The following DRC8 variants were observed in gnomAD, a reference collection of about 807,000 sequenced individuals.
The protein encoded by DRC8 is dynein regulatory complex subunit 8, also known as dynein regulatory complex protein 8.
the DRC8 span, among the ~76,000 whole-genome samples, chr1:245,085,902 G>T: frequency 6.6e-6 from 1 of 152,254 alleles, no homozygotes; most frequent in Non-Finnish European, 1.5e-5. Context: ...ATGAGTAACA[G>T]AGTGTAGGCG....
At chr1:245,116,041 A>T in the DRC8 span, among the ~76,000 whole-genome samples, 1 of 151,444 alleles carries the variant, frequency 6.6e-6, no homozygotes, top group East Asian at 2.0e-4. Context: ...TACCATCGCC[A>T]TGCCTGGCTA....
the DRC8 span, among the ~76,000 whole-genome samples, chr1:245,114,982 C>T: frequency 6.6e-6 from 1 of 152,174 alleles, no homozygotes; most frequent in African/African-American, 2.4e-5. Context: ...CCTCAGCCTC[C>T]CAAAGTGCTG....
chr1:245,029,677 C>G, the DRC8 span, among the ~76,000 whole-genome samples: 1 of 150,900 alleles, frequency 6.6e-6, no homozygotes, highest in Non-Finnish European at 1.5e-5. Flanking sequence ...CTCACTGCAA[C>G]CTTCATCTCC....
the DRC8 span, chr1:245,087,444 C>A: frequency 6.8e-7 from 1 of 1,472,328 alleles, no homozygotes; most frequent in Non-Finnish European, 8.9e-7. Flanking sequence ...CTTAGGATTC[C>A]TATATGTGAT....
chr1:244,972,899 G>C, the DRC8 span, among the ~76,000 whole-genome samples: 12 of 152,238 alleles, frequency 7.9e-5, no homozygotes, highest in African/African-American at 2.6e-4. Context: ...CAGTTTTATG[G>C]ATTAACTAAT....
chr1:245,081,549 A>G, the DRC8 span, among the ~76,000 whole-genome samples: 21 of 151,984 alleles, frequency 1.4e-4, no homozygotes, highest in Admixed American at 3.9e-4. Flanking sequence ...GCTCACTGCA[A>G]CCTCCATCTC....
chr1:245,061,406 A>G, the DRC8 span, among the ~76,000 whole-genome samples: 1 of 152,278 alleles, frequency 6.6e-6, no homozygotes, highest in South Asian at 2.1e-4. Flanking sequence ...TTTTTTAGGG[A>G]CATGACACAA....
the DRC8 span, among the ~76,000 whole-genome samples, chr1:244,974,768 C>G: frequency 2.6e-5 from 4 of 152,132 alleles, no homozygotes; most frequent in South Asian, 8.3e-4. Flanking sequence ...CATCACGGCT[C>G]ACTACAGCCT....
At chr1:244,970,555 A>G in the DRC8 span, 1 of 1,392,018 alleles carries the variant, frequency 7.2e-7, no homozygotes, top group African/African-American at 1.6e-5. Context: ...TCCCACCCGC[A>G]GGGAAAGGGC....
the DRC8 span, among the ~76,000 whole-genome samples, chr1:245,044,914 TTAAA>T: frequency 1.3e-5 from 2 of 151,928 alleles, no homozygotes; most frequent in Non-Finnish European, 2.9e-5. Flanking sequence ...TTTCAGTTTT[TTAAA>T]TAGTTTTTTG....
the DRC8 span, among the ~76,000 whole-genome samples, chr1:245,004,448 A>G: frequency 1.4e-5 from 2 of 146,286 alleles, no homozygotes; most frequent in African/African-American, 2.5e-5. Flanking sequence ...TAAAGGTGGT[A>G]TGTTACCCAG....
the DRC8 span, among the ~76,000 whole-genome samples, chr1:245,090,834 T>A: frequency 6.6e-6 from 1 of 152,042 alleles, no homozygotes; most frequent in Non-Finnish European, 1.5e-5. Flanking sequence ...TATTAATAGG[T>A]CTCCTTTGTA....
At chr1:245,010,009 C>T in the DRC8 span, among the ~76,000 whole-genome samples, 90,533 of 151,446 alleles carry the variant, frequency 0.6, 27,444 homozygotes, top group East Asian at 0.75. Context: ...TACAGGCGTG[C>T]GCCACCACGT....
the DRC8 span, chr1:245,087,529 T>A: frequency 9.7e-6 from 13 of 1,341,780 alleles, no homozygotes; most frequent in Non-Finnish European, 1.1e-5. Flanking sequence ...AAACCAAATT[T>A]AGTATGTCTA....
the DRC8 span, among the ~76,000 whole-genome samples, chr1:245,100,653 C>T: frequency 1.3e-5 from 2 of 150,918 alleles, no homozygotes; most frequent in African/African-American, 4.9e-5. Context: ...TGGTGGTGCA[C>T]GCCTGTAGTC....
chr1:245,102,553 A>T, the DRC8 span, among the ~76,000 whole-genome samples: 2 of 152,020 alleles, frequency 1.3e-5, no homozygotes, highest in Admixed American at 6.6e-5. Context: ...TTTCGCCATG[A>T]TGGCCAGGCT....
the DRC8 span, among the ~76,000 whole-genome samples, chr1:245,097,802 G>A: frequency 6.6e-6 from 1 of 152,120 alleles, no homozygotes; most frequent in Non-Finnish European, 1.5e-5. This position sits in a 1 kb window ranked among gnomAD's most constrained non-coding sequence, Gnocchi z 5.0. Context: ...TGGGGAAAGG[G>A]CATTCCTTGT....
At chr1:245,124,591 C>T in the DRC8 span, 24 of 152,316 alleles carry the variant, frequency 1.6e-4, no homozygotes, top group Middle Eastern at 6.8e-3. Flanking sequence ...CCCGTTGTTC[C>T]TATAGATACA....
chr1:245,107,227 C>G, the DRC8 span: 1 of 150,446 alleles, frequency 6.6e-6, no homozygotes, highest in Non-Finnish European at 1.5e-5. Flanking sequence ...GGAGTGAGGT[C>G]GAGTGGGCAG....
Sources: allele counts gnomAD v4.1 joint callset (sites outside exome capture counted in the v4.1 genomes callset), GRCh38; gene constraint gnomAD v4.1.1; non-coding constraint Gnocchi (gnomAD v3.1); transcripts MANE v1.5; gene names NCBI Gene and HGNC (gene_info 2026-07-23, HGNC 2026-07-21).